NEO1: variants seen among roughly 807,000 people sequenced by gnomAD.
NEO1 encodes neogenin.
In NEO1, 63 loss-of-function variants were observed where a neutral mutation model predicts 159.7. The observed-to-expected ratio is 0.39, with a 90% CI of 0.32 to 0.49. The LOEUF (loss-of-function observed/expected upper bound fraction) is 0.49, where lower values mean the gene tolerates loss of function less well. Ranked by LOEUF, NEO1 falls within the 20% of genes least tolerant of loss-of-function variation. NEO1 has a pLI of 0.85. For synonymous variants in NEO1, 633 were observed against 662.0 expected, an observed-to-expected ratio of 0.96 and a Z score of 0.67; for missense variants, 1,615 against 1,831.0, an observed-to-expected ratio of 0.88 and a Z score of 2.15.
In NEO1 at chr15:73,262,656, T is replaced by C. The variant is rs140886096; in HGVS notation, c.2398+2191T>C. 3.3e-5 allele frequency among the ~76,000 whole-genome samples: 5 copies of C among 152,354 alleles called. No individual in the cohort carries two copies. In the East Asian group the frequency reaches 9.6e-4, roughly 29 times the overall value. ...GAATGCTCATACTAGCTGGTAGGAA[T>C]GTTTGACAGTACAACCACTTTGGAA... On this transcript the variant is annotated intron_variant, in intron 15 of 28. Coordinates refer to ENST00000261908, the MANE Select transcript of NEO1 (RefSeq NM_002499.4).
At chr15:73,119,642 C>T (rs2071517413) in intron 2 of NEO1, among the ~76,000 whole-genome samples, 1 of 152,250 alleles carries the variant, frequency 6.6e-6, no homozygotes, top group Non-Finnish European at 1.5e-5. Context: ...AGCAGGACAA[C>T]CGGCTTCCTT....
chr15:73,131,941 G>C (rs1166715112), intron 4 of NEO1, among the ~76,000 whole-genome samples: 1 of 151,958 alleles, frequency 6.6e-6, no homozygotes, highest in Non-Finnish European at 1.5e-5. Context: ...AATATTTTTC[G>C]CACCTCATTA....
intron 9 of NEO1, among the ~76,000 whole-genome samples, chr15:73,245,761 T>C (rs1241812914): frequency 5.3e-5 from 8 of 151,796 alleles, no homozygotes; most frequent in Non-Finnish European, 8.8e-5. Flanking sequence ...TTTTGTATTT[T>C]TAGTAGAGAC....
chr15:73,266,295 T>C (rs769501395), intron 15 of NEO1, 21 bp from the exon 16 acceptor site: 17 of 1,583,548 alleles, frequency 1.1e-5, no homozygotes, highest in Non-Finnish European at 1.4e-5. Context: ...ATTTTTTTAA[T>C]GTGTGTTTCT....
At chr15:73,204,772 T>C (rs2037117033) in intron 7 of NEO1, among the ~76,000 whole-genome samples, 1 of 152,228 alleles carries the variant, frequency 6.6e-6, no homozygotes, top group African/African-American at 2.4e-5. Context: ...TTGTTTTGTT[T>C]CTTCAGACTG....
intron 11 of NEO1, among the ~76,000 whole-genome samples, chr15:73,253,061 T>C (rs565441062): frequency 2.6e-4 from 40 of 152,318 alleles, no homozygotes; most frequent in Non-Finnish European, 4.4e-4. Flanking sequence ...TTTAAGGTTC[T>C]GAGTACATAT....
At chr15:73,261,719 A>T (rs1317318380) in intron 15 of NEO1, among the ~76,000 whole-genome samples, 2 of 152,200 alleles carry the variant, frequency 1.3e-5, no homozygotes, top group Non-Finnish European at 2.9e-5. Flanking sequence ...GATATTACTA[A>T]GGTGACAATT....
At chr15:73,258,488 C>G (rs192480160) in intron 13 of NEO1, among the ~76,000 whole-genome samples, 13 of 152,270 alleles carry the variant, frequency 8.5e-5, no homozygotes, top group African/African-American at 3.1e-4. Flanking sequence ...CTCTGAGGTG[C>G]CTTCAAGCTC....
chr15:73,244,703 C>T (rs1414237415), intron 9 of NEO1, among the ~76,000 whole-genome samples: 1 of 151,954 alleles, frequency 6.6e-6, no homozygotes. Context: ...GTAATCCAAG[C>T]ACTTTGGGAG....
intron 1 of NEO1, among the ~76,000 whole-genome samples, chr15:73,080,237 G>A (rs1454470892): frequency 6.6e-6 from 1 of 152,068 alleles, no homozygotes; most frequent in African/African-American, 2.4e-5. Context: ...CTTAATTTTA[G>A]CCAGTTTGTT....
chr15:73,116,910 T>C (rs906206244), intron 2 of NEO1, 53 bp downstream of exon 2: 3 of 1,372,958 alleles, frequency 2.2e-6, no homozygotes, highest in African/African-American at 2.9e-5. Context: ...ATAACATACA[T>C]CTTGATAAAA....
At chr15:73,246,300 A>G (rs1204822944) in intron 9 of NEO1, among the ~76,000 whole-genome samples, 1 of 152,162 alleles carries the variant, frequency 6.6e-6, no homozygotes, top group Admixed American at 6.5e-5. Context: ...TAAGAATCAA[A>G]CCCAGGCAAG....
Position 73,181,442 on chromosome 15 carries a change from C to T in NEO1, c.1291+3015C>T, listed in dbSNP as rs184955266. 3.9e-5 allele frequency among the ~76,000 whole-genome samples: 6 copies of T among 152,214 alleles called. No homozygotes were observed. In the East Asian group the frequency reaches 5.8e-4, roughly 15 times the overall value. On this transcript the variant is annotated intron_variant, in intron 7 of 28. Coordinates refer to ENST00000261908, the MANE Select transcript of NEO1 (RefSeq NM_002499.4). ...GTTCTTGCATTGCTATAAAGAAATA[C>T]GTGAGGCTAGGTAATTTATAAAGAA...
intron 5 of NEO1, among the ~76,000 whole-genome samples, chr15:73,150,818 G>T (rs905861430): frequency 7.2e-5 from 11 of 152,126 alleles, no homozygotes; most frequent in Non-Finnish European, 1.5e-4. Flanking sequence ...ACCCCAGAGG[G>T]TCTATTCTTT....
intron 26 of NEO1, among the ~76,000 whole-genome samples, chr15:73,296,098 A>G (rs1219935931): frequency 6.6e-6 from 1 of 152,176 alleles, no homozygotes; most frequent in Non-Finnish European, 1.5e-5. Context: ...TGACTCATGT[A>G]GGCAACCCCA....
chr15:73,260,232 C>G, intron 14 of NEO1, 39 bp from the exon 15 acceptor site: 1 of 1,568,710 alleles, frequency 6.4e-7, no homozygotes, highest in Non-Finnish European at 8.7e-7. Context: ...TTTTAAAGGA[C>G]AGTATATCTC....
chr15:73,253,473 T>C, intron 12 of NEO1, 24 bp downstream of exon 12: 1 of 1,561,768 alleles, frequency 6.4e-7, no homozygotes, highest in South Asian at 1.2e-5. Context: ...ATGCTGCTGT[T>C]CATTTTTACT....
intron 15 of NEO1, among the ~76,000 whole-genome samples, chr15:73,263,068 T>C (rs527296879): frequency 6.6e-6 from 1 of 152,324 alleles, no homozygotes; most frequent in African/African-American, 2.4e-5. Flanking sequence ...TCTCGGAGTA[T>C]TGGAAATGTT....
At chr15:73,164,682 A>G (rs529312176) in intron 5 of NEO1, among the ~76,000 whole-genome samples, 9 of 152,356 alleles carry the variant, frequency 5.9e-5, no homozygotes, top group South Asian at 2.1e-4. Flanking sequence ...TTAAGAATCT[A>G]TTCTTCTAAA....
Sources: gnomAD v4.1 joint callset for allele counts (sites outside exome capture counted in the v4.1 genomes callset) on GRCh38, gnomAD v4.1.1 for gene constraint, MANE v1.5 for transcripts, NCBI Gene and HGNC (gene_info 2026-07-23, HGNC 2026-07-21) for gene names.